Variants in ATRNL1 observed in about 807,000 individuals in gnomAD.
ATRNL1 encodes attractin like 1.
A neutral mutation model predicts 182.7 loss-of-function variants in ATRNL1; 95 were observed. The observed-to-expected ratio is 0.52, with a 90% CI of 0.44 to 0.62. ATRNL1 has a LOEUF of 0.62. ATRNL1 is among the 20% of genes least tolerant of loss of function. The pLI, the probability that ATRNL1 is intolerant of heterozygous loss-of-function variation, is 0.00. For synonymous variants in ATRNL1, 576 were observed against 568.3 expected (o/e 1.01, Z -0.19); for missense variants, 1,471 against 1,679.5 (o/e 0.88, Z 2.17).
intron 26 of ATRNL1, among the ~76,000 whole-genome samples, chr10:115,640,384 C>G (rs782632686): frequency 4.5e-4 from 68 of 152,182 alleles, no homozygotes; most frequent in Non-Finnish European, 1.6e-4. Context: ...CTAATTTACA[C>G]TCCCACCAAC....
chr10:115,499,646 A>G (rs1280132327), intron 24 of ATRNL1, among the ~76,000 whole-genome samples: 1 of 152,206 alleles, frequency 6.6e-6, no homozygotes, highest in Non-Finnish European at 1.5e-5. Flanking sequence ...AGATGGGAAG[A>G]CTTGAAGGAG....
At chr10:115,582,589 T>C (rs1221056993) in intron 26 of ATRNL1, among the ~76,000 whole-genome samples, 1 of 132,802 alleles carries the variant, frequency 7.5e-6, no homozygotes, top group Non-Finnish European at 1.6e-5. Context: ...TTTTGATGGG[T>C]TTGTTTGTTT....
intron 24 of ATRNL1, among the ~76,000 whole-genome samples, chr10:115,511,951 C>G (rs1477453939): frequency 1.3e-5 from 2 of 151,624 alleles, no homozygotes; most frequent in Admixed American, 1.3e-4. Flanking sequence ...ACTAATCAGT[C>G]TTTATTTTGA....
At chr10:115,373,785 A>G (rs1857516786) in intron 19 of ATRNL1, among the ~76,000 whole-genome samples, 1 of 150,920 alleles carries the variant, frequency 6.6e-6, no homozygotes, top group Non-Finnish European at 1.5e-5. Context: ...TATTTTGTTG[A>G]TTTTTTTCAT....
At chr10:115,817,295 G>A (rs76907408) in intron 27 of ATRNL1, among the ~76,000 whole-genome samples, 9,566 of 151,668 alleles carry the variant, frequency 0.063, 943 homozygotes, top group African/African-American at 0.21. Flanking sequence ...AAAATTTTTC[G>A]GAAAAAAATC....
chr10:115,116,734 G>A (rs1844502430), intron 1 of ATRNL1, among the ~76,000 whole-genome samples: 1 of 152,048 alleles, frequency 6.6e-6, no homozygotes, highest in Non-Finnish European at 1.5e-5. Context: ...TACCTTGATT[G>A]GTGACATCCT....
intron 26 of ATRNL1, among the ~76,000 whole-genome samples, chr10:115,695,704 A>G (rs1204515529): frequency 7.2e-5 from 11 of 152,156 alleles, no homozygotes; most frequent in Non-Finnish European, 1.5e-4. Context: ...TGCTTAGGTA[A>G]TGATAAAGAT....
chr10:115,379,483 C>A (rs1857865899), intron 19 of ATRNL1, among the ~76,000 whole-genome samples: 1 of 152,140 alleles, frequency 6.6e-6, no homozygotes, highest in Non-Finnish European at 1.5e-5. Flanking sequence ...GCAAGCATAA[C>A]TAGTATCCAG....
At chr10:115,275,605 A>G (rs542405684) in intron 13 of ATRNL1, among the ~76,000 whole-genome samples, 1 of 152,282 alleles carries the variant, frequency 6.6e-6, no homozygotes, top group Admixed American at 6.5e-5. Context: ...CCTAGATCCA[A>G]TTATTCCTGT....
rs187503576 is a variant in ATRNL1 at position 115,257,774 on chromosome 10, C to T, written c.1688-7419C>T. Among the ~76,000 whole-genome samples, 181 of 152,274 alleles carry T rather than the reference C, an allele frequency of 1.2e-3. 1 individual carries two copies. Among genetic ancestry groups the T allele is most frequent in the African/African-American group, 4.2e-3 (175 of 41,552 alleles). ...TTGTTTCTTTCCATGTTTAGTGCTT[C>T]CTTCAGGAGCTCTTGTAAGGCAGGC... On this transcript the variant is annotated intron_variant, in intron 10 of 28. Coordinates refer to ENST00000355044, the MANE Select transcript of ATRNL1 (RefSeq NM_207303.4).
intron 25 of ATRNL1, among the ~76,000 whole-genome samples, chr10:115,529,483 GA>G (rs1851437526): frequency 6.6e-6 from 1 of 150,690 alleles, no homozygotes. Context: ...CTTCTCTTCT[GA>G]TTTTTATTAA....
intron 26 of ATRNL1, among the ~76,000 whole-genome samples, chr10:115,706,222 C>G (rs1269379884): frequency 6.6e-6 from 1 of 151,872 alleles, no homozygotes; most frequent in Non-Finnish European, 1.5e-5. Context: ...GCATTTCTTG[C>G]ATTCCTTGGC....
At chr10:115,343,988 C>T (rs10885695) in intron 19 of ATRNL1, among the ~76,000 whole-genome samples, 151,194 of 152,322 alleles carry the variant, frequency 0.99, 75,048 homozygotes, top group Middle Eastern at 1. Flanking sequence ...AAACAGAATT[C>T]CTCTCTCTGT....
intron 25 of ATRNL1, among the ~76,000 whole-genome samples, chr10:115,528,573 A>G (rs1032876354): frequency 2.0e-5 from 3 of 151,270 alleles, no homozygotes; most frequent in African/African-American, 4.9e-5. Flanking sequence ...GCTCTTTTTC[A>G]AGAATCAACT....
At chr10:115,587,201 C>G (rs547987891) in intron 26 of ATRNL1, among the ~76,000 whole-genome samples, 23 of 151,554 alleles carry the variant, frequency 1.5e-4, no homozygotes, top group East Asian at 1.2e-3. Context: ...TTACTGCTGT[C>G]TTTTTGTTTG....
chr10:115,385,931 A>G (rs1276905128), intron 19 of ATRNL1, among the ~76,000 whole-genome samples: 4 of 152,152 alleles, frequency 2.6e-5, no homozygotes, highest in African/African-American at 9.7e-5. Context: ...TCTTTGGCCT[A>G]ATGTCATTAC....
chr10:115,924,904 A>T (rs1176425957), intron 28 of ATRNL1, among the ~76,000 whole-genome samples: 1 of 151,962 alleles, frequency 6.6e-6, no homozygotes, highest in Non-Finnish European at 1.5e-5. Context: ...CCATTTGTTT[A>T]TGTCCTCTCT....
At chr10:115,171,396 G>A in intron 8 of ATRNL1, 104 bp downstream of exon 8, 4 of 1,021,396 alleles carry the variant, frequency 3.9e-6, no homozygotes, top group Non-Finnish European at 5.5e-6. Context: ...ATTTGAGATT[G>A]AAATTATAAG....
In ATRNL1 at chr10:115,559,450, G is replaced by GCGCGCGTGCGCA. The variant is rs1554998460; in HGVS notation, c.3795+9917_3795+9918insGCGTGCGCACGC. On this transcript the variant is annotated intron_variant, in intron 26 of 28. Transcript: ENST00000355044. ...TGTGTGTGTGTGTGTGTGTGCGCGC[G>GCGCGCGTGCGCA]CGCACGCACGCACATGCGCAACCCT... Among the ~76,000 whole-genome samples the GCGCGCGTGCGCA allele has an allele frequency of 9.5e-3, 1,216 of 128,606 alleles. 19 individuals carry two copies. The highest frequency in any genetic ancestry group is 0.038 in the African/African-American group (1,157 of 30,502). 84.4% of individuals were successfully genotyped at this position (128,606 alleles called of 152,430 possible). A position where few individuals can be genotyped will look rare whatever the true frequency, so the allele number is the denominator to read the frequency against.
Sources: allele counts gnomAD v4.1 joint callset (sites outside exome capture counted in the v4.1 genomes callset), GRCh38; gene constraint gnomAD v4.1.1; transcripts MANE v1.5; gene names NCBI Gene and HGNC (gene_info 2026-07-23, HGNC 2026-07-21).